The following BSN variants were observed in gnomAD, a reference collection of about 807,000 sequenced individuals.
The protein encoded by BSN is bassoon presynaptic cytomatrix protein.
A neutral mutation model predicts 264.8 loss-of-function variants in BSN; 57 were observed. That is an observed-to-expected ratio of 0.22 (90% confidence interval 0.17 to 0.27). BSN has a LOEUF of 0.27. Ranked by LOEUF, BSN falls within the 10% of genes least tolerant of loss-of-function variation. BSN has a pLI of 1.00. For missense variants in BSN, 4,615 were observed against 5,232.5 expected, an observed-to-expected ratio of 0.88 and a Z score of 3.64; for synonymous variants, 2,059 against 2,137.3, an observed-to-expected ratio of 0.96 and a Z score of 1.01.
chr3:49,671,707 A>G (rs887497550), downstream of BSN, among the ~76,000 whole-genome samples: 5 of 152,252 alleles, frequency 3.3e-5, no homozygotes, highest in East Asian at 9.6e-4. The surrounding 1 kb of genome is among the most constrained non-coding windows in gnomAD (Gnocchi z 4.1). Flanking sequence ...CAAGCCATCC[A>G]AAGACAATGG....
intron 3 of BSN, among the ~76,000 whole-genome samples, chr3:49,645,461 C>T (rs897656937): frequency 2.0e-5 from 3 of 152,164 alleles, no homozygotes; most frequent in African/African-American, 7.2e-5. Context: ...CTCCATGGAC[C>T]AAGCCCTGCC....
intron 1 of BSN, among the ~76,000 whole-genome samples, chr3:49,602,824 T>C (rs1188052392): frequency 6.6e-6 from 1 of 152,178 alleles, no homozygotes; most frequent in East Asian, 1.9e-4. Context: ...GGGTGTAAAA[T>C]GTCTGTCGCA....
Position 49,657,249 on chromosome 3 carries a change from G to C in BSN, c.7693G>C (p.Ala2565Pro). 1 of 1,613,532 alleles carries C rather than the reference G, an allele frequency of 6.2e-7. No homozygotes were observed. The highest frequency in any genetic ancestry group is 8.5e-7 in the Non-Finnish European group (1 of 1,180,042). Residue 2565 changes from alanine (A) to proline (P), a missense_variant, in exon 5 of 12, where the codon GCC becomes CCC. By Grantham distance (27) the Ala-to-Pro change is conservative (BLOSUM62 -1). This residue lies in a region of BSN where 3,415 missense variants were observed against 3,866.4 expected (regional missense o/e 0.88). Transcript: ENST00000296452. Reference sequence around the variant, plus strand: ...GCACTCCATGCCACGCCTGCGGGATGCCTGTGAGCTAGAGTCTGGGACTGA... The same window carrying C: ...GCACTCCATGCCACGCCTGCGGGATCCCTGTGAGCTAGAGTCTGGGACTGA... ...KRHSMPRLRD[A>P]CELESGTEPC...
chr3:49,579,249 A>G (rs2051874251), intron 1 of BSN, among the ~76,000 whole-genome samples: 1 of 151,812 alleles, frequency 6.6e-6, no homozygotes, highest in Non-Finnish European at 1.5e-5. Context: ...TCAGGCACCC[A>G]AAGTGCTGGG....
chr3:49,670,233 C>G lies in BSN; in HGVS notation c.*2748C>G, dbSNP rs1004888975. The G allele has an allele frequency of 1.3e-5, 2 of 152,284 alleles. No homozygotes were observed. The highest frequency in any genetic ancestry group is 2.9e-5 in the Non-Finnish European group (2 of 68,068). The allele number at this position is 152,284 out of a possible 1,614,324, so 9.4% of individuals were successfully genotyped here. A position where few individuals can be genotyped will look rare whatever the true frequency, so the allele number is the denominator to read the frequency against. On this transcript the variant is annotated 3_prime_UTR_variant, in exon 12 of 12. Transcript: ENST00000296452. The stretch of plus-strand genomic sequence containing the variant: ...GCCATCACCTAACACCTCTGGCCAC[C>G]CAGGACCAGGTCTGTGTGGGGATGT...
chr3:49,599,575 A>G (rs2052055402), intron 1 of BSN, among the ~76,000 whole-genome samples: 1 of 152,118 alleles, frequency 6.6e-6, no homozygotes, highest in Non-Finnish European at 1.5e-5. Context: ...TCCAAACACC[A>G]CAGACTCTCA....
intron 1 of BSN, among the ~76,000 whole-genome samples, chr3:49,591,469 C>A (rs1450828797): frequency 6.6e-6 from 1 of 152,194 alleles, no homozygotes; most frequent in African/African-American, 2.4e-5. Context: ...TGCTTTCTGC[C>A]TAAATAACTT....
chr3:49,605,437 AT>A (rs2052108256), intron 1 of BSN, among the ~76,000 whole-genome samples: 1 of 28,460 alleles, frequency 3.5e-5, no homozygotes, highest in Non-Finnish European at 5.6e-5. Flanking sequence ...TATAATATAT[AT>A]TATATATATT....
At chr3:49,578,698 A>AC (rs989739921) in intron 1 of BSN, among the ~76,000 whole-genome samples, 4 of 151,958 alleles carry the variant, frequency 2.6e-5, no homozygotes, top group Non-Finnish European at 5.9e-5. Flanking sequence ...GAACCACCGC[A>AC]CCTGGCCCAA....
Position 49,639,570 on chromosome 3 carries a change from C to T in BSN, c.634-2698C>T, listed in dbSNP as rs554512147. Among the ~76,000 whole-genome samples, 699 of 152,304 alleles carry T rather than the reference C, an allele frequency of 4.6e-3. 4 individuals carry two copies. Among genetic ancestry groups the T allele is most frequent in the Non-Finnish European group, 7.7e-3 (526 of 68,034 alleles). On this transcript the variant is annotated intron_variant, in intron 2 of 11. Coordinates refer to ENST00000296452, the MANE Select transcript of BSN (RefSeq NM_003458.4). ...AGTGGGATGGCTTCTCACCTCACTG[C>T]CTCGGCATCACTGTTCTTAGAGTTT... is the stretch of plus-strand genomic sequence containing the variant.
Position 49,625,593 on chromosome 3 carries a change from C to A in BSN, c.633+210C>A, listed in dbSNP as rs773329373. Among the ~76,000 whole-genome samples, 2 of 152,344 alleles carry A rather than the reference C, an allele frequency of 1.3e-5. No individual in the cohort carries two copies. Among genetic ancestry groups the A allele is most frequent in the South Asian group, 2.1e-4 (1 of 4,830 alleles). On this transcript the variant is annotated intron_variant, in intron 2 of 11. Transcript: ENST00000296452. This position sits in a 1 kb window ranked among gnomAD's most constrained non-coding sequence, Gnocchi z 4.4. ...CAGATCTCCCAAGGGATTTCTGCAT[C>A]CCCTGAAAGCTTGGGTAGAGTCTGA... is the stretch of plus-strand genomic sequence containing the variant.
chr3:49,618,973 G>A (rs1297443065), intron 1 of BSN, among the ~76,000 whole-genome samples: 1 of 152,208 alleles, frequency 6.6e-6, no homozygotes, highest in Non-Finnish European at 1.5e-5. Flanking sequence ...ACATGTATAA[G>A]ATGTGAAGAA....
intron 1 of BSN, among the ~76,000 whole-genome samples, chr3:49,613,339 A>AGAGAGG (rs1323224906): frequency 6.6e-6 from 1 of 150,446 alleles, no homozygotes; most frequent in Non-Finnish European, 1.5e-5. Flanking sequence ...AGAGAGAGAG[A>AGAGAGG]GAGAGAGAGA....
Position 49,642,498 on chromosome 3 carries a change from G to A in BSN, c.864G>A (p.Pro288=), listed in dbSNP as rs370650979. 141 of 1,568,170 alleles carry A rather than the reference G, an allele frequency of 9.0e-5. No individual in the cohort carries two copies. Among genetic ancestry groups the A allele is most frequent in the African/African-American group, 5.0e-4 (37 of 73,604 alleles). The change falls in exon 3 of 12, where the codon CCG becomes CCA. Residue 288 remains proline (P), a synonymous_variant. Coordinates refer to ENST00000296452, the MANE Select transcript of BSN (RefSeq NM_003458.4). The surrounding 1 kb of genome is among the most constrained non-coding windows in gnomAD (Gnocchi z 7.0). ...QAETARATSV[P]GPAQAAAPPE... ...AGACAGCCAGGGCCACCTCAGTGCC[G>A]GGGCCTGCCCAAGCAGCTGCCCCTC...
chr3:49,661,083 G>A lies in BSN; in HGVS notation c.9238G>A (p.Ala3080Thr), dbSNP rs754496947. The change falls in exon 6 of 12, where the codon GCC (alanine) becomes ACC (threonine). Residue 3080 changes from alanine to threonine, a missense_variant. By Grantham distance (58) the Ala-to-Thr change is moderately conservative. This residue lies in a region of BSN where 3,415 missense variants were observed against 3,866.4 expected (regional missense o/e 0.88). Transcript: ENST00000296452. Reference protein sequence around the residue: ...PTQNGFPAHQAPTYPGPSTYP... With the variant: ...PTQNGFPAHQTPTYPGPSTYP... ...TCAGAACGGATTCCCAGCCCACCAG[G>A]CCCCCACCTACCCTGGCCCCAGCAC... 6.2e-7 allele frequency: 1 copy of A among 1,611,976 alleles called. No homozygotes were observed. The highest frequency in any genetic ancestry group is 1.1e-5 in the South Asian group (1 of 91,040).
chr3:49,604,501 T>C (rs960306099), intron 1 of BSN, among the ~76,000 whole-genome samples: 1 of 152,198 alleles, frequency 6.6e-6, no homozygotes, highest in Non-Finnish European at 1.5e-5. Flanking sequence ...ATTTCACTTA[T>C]CGTTTCTTGA....
In BSN at chr3:49,566,555, T is replaced by C. The variant is rs538735864; in HGVS notation, c.224+11729T>C. 7.2e-5 allele frequency among the ~76,000 whole-genome samples: 11 copies of C among 152,164 alleles called. No homozygotes were observed. The South Asian group carries it at 2.3e-3, about 32-fold the overall frequency. ...ATCTCAGCACTTTGGGAAGCTGGGA[T>C]GGGCAGATTGCTTGAGCCCAGGAGT... On this transcript the variant is annotated intron_variant, in intron 1 of 11. Transcript: ENST00000296452.
intron 1 of BSN, among the ~76,000 whole-genome samples, chr3:49,564,414 A>G (rs2051737874): frequency 6.6e-6 from 1 of 152,166 alleles, no homozygotes; most frequent in Admixed American, 6.5e-5. Context: ...CTCTGGTTAT[A>G]CTTAGAGATC....
chr3:49,613,323 A>AGAGAGAGAGAGG (rs2052225273), intron 1 of BSN, among the ~76,000 whole-genome samples: 1 of 147,078 alleles, frequency 6.8e-6, no homozygotes, highest in Non-Finnish European at 1.5e-5. Flanking sequence ...AGAGAGAGAG[A>AGAGAGAGAGAGG]GAGAGAGAGA....
Sources: gnomAD v4.1 joint callset for allele counts (sites outside exome capture counted in the v4.1 genomes callset) on GRCh38, gnomAD v4.1.1 for gene constraint, gnomAD v4.1.1 regional missense constraint, Gnocchi (gnomAD v3.1) non-coding constraint, MANE v1.5 for transcripts, NCBI Gene and HGNC (gene_info 2026-07-23, HGNC 2026-07-21) for gene names.